ZNF385D: variants seen among roughly 807,000 people sequenced by gnomAD.
ZNF385D encodes zinc finger protein 385D.
A neutral mutation model predicts 35.8 loss-of-function variants in ZNF385D; 15 were observed. That is an observed-to-expected ratio of 0.42 (90% CI 0.28 to 0.64). The LOEUF (loss-of-function observed/expected upper bound fraction) is 0.64, where lower values mean the gene tolerates loss of function less well. Among genes scored for constraint, ZNF385D ranks in the 30% least tolerant of loss-of-function variants. ZNF385D has a pLI of 0.23. For missense variants in ZNF385D, 474 were observed against 494.6 expected (o/e 0.96, Z 0.39); for synonymous variants, 212 against 186.8 (o/e 1.13, Z -1.10).
intron 2 of ZNF385D, among the ~76,000 whole-genome samples, chr3:21,627,001 A>G (rs989330203): frequency 9.9e-5 from 15 of 151,908 alleles, no homozygotes; most frequent in African/African-American, 2.7e-4. Flanking sequence ...GAGATTTTCA[A>G]TGTTTTACAG....
intron 2 of ZNF385D, among the ~76,000 whole-genome samples, chr3:21,663,919 T>TATATATATATATATATATATATATA (rs1201308131): frequency 6.9e-4 from 27 of 39,270 alleles, no homozygotes; most frequent in African/African-American, 1.8e-3. Flanking sequence ...ATATATATAT[T>TATATATATATATATATATATATATA]TATTTATTTA....
At chr3:21,534,135 A>AC (rs996639588) in intron 3 of ZNF385D, among the ~76,000 whole-genome samples, 9 of 151,996 alleles carry the variant, frequency 5.9e-5, no homozygotes, top group African/African-American at 2.2e-4. Flanking sequence ...AAGTTAAAAA[A>AC]AAAAACTTAC....
At chr3:22,297,593 G>C (rs1219196746) in intron 2 of ZNF385D, among the ~76,000 whole-genome samples, 1 of 152,058 alleles carries the variant, frequency 6.6e-6, no homozygotes, top group Admixed American at 6.6e-5. Context: ...AGGCAATATG[G>C]GGGAATGAAA....
In ZNF385D at chr3:22,337,412, T is replaced by C. The variant is rs144056717; in HGVS notation, c.106+35038A>G. Among the ~76,000 whole-genome samples the C allele has an allele frequency of 3.0e-3, 453 of 152,226 alleles. 1 individual carries two copies. Among genetic ancestry groups the C allele is most frequent in the African/African-American group, 0.01 (428 of 41,538 alleles). ...AGCTTGGCGTGGTGGCGCATGCCTATAATCCCAGCTACTCAAGAGGCAGAG... is the reference window on the plus strand; with the variant it reads ...AGCTTGGCGTGGTGGCGCATGCCTACAATCCCAGCTACTCAAGAGGCAGAG... On this transcript the variant is annotated intron_variant, in intron 2 of 5. Coordinates refer to the ZNF385D transcript ENST00000494108.
chr3:21,456,010 G>T (rs956029659), intron 4 of ZNF385D, among the ~76,000 whole-genome samples: 3 of 152,206 alleles, frequency 2.0e-5, no homozygotes, highest in African/African-American at 7.2e-5. Context: ...GGCCATCAGA[G>T]AAATGCAAAT....
chr3:21,614,563 T>C (rs2064785681), intron 2 of ZNF385D, among the ~76,000 whole-genome samples: 1 of 152,142 alleles, frequency 6.6e-6, no homozygotes, highest in South Asian at 2.1e-4. Context: ...ATTTTTTGTT[T>C]TCCAGCCAGC....
At chr3:22,334,997 A>T (rs1695100429) in intron 2 of ZNF385D, among the ~76,000 whole-genome samples, 1 of 152,204 alleles carries the variant, frequency 6.6e-6, no homozygotes, top group Non-Finnish European at 1.5e-5. Context: ...TTAATTCAAC[A>T]AATATTAAGT....
At chr3:21,437,290 T>C in intron 4 of ZNF385D, 87 bp from the exon 5 acceptor site, 2 of 1,261,666 alleles carry the variant, frequency 1.6e-6, no homozygotes, top group South Asian at 1.5e-5. Context: ...TATTGCATTC[T>C]GCTTATAATG....
At chr3:21,500,113 C>A (rs916997052) in intron 4 of ZNF385D, among the ~76,000 whole-genome samples, 4 of 152,082 alleles carry the variant, frequency 2.6e-5, no homozygotes, top group Non-Finnish European at 1.5e-5. Flanking sequence ...AAATGCTCAG[C>A]CCAATGGTGG....
intron 3 of ZNF385D, among the ~76,000 whole-genome samples, chr3:21,832,191 T>C (rs541709400): frequency 4.7e-4 from 72 of 152,250 alleles, no homozygotes; most frequent in African/African-American, 1.6e-3. Context: ...GTGTGCCTTA[T>C]TTGTTTTTCT....
At chr3:22,209,123 CATA>C (rs1018302756) in intron 2 of ZNF385D, among the ~76,000 whole-genome samples, 11 of 151,956 alleles carry the variant, frequency 7.2e-5, no homozygotes, top group African/African-American at 2.4e-4. Context: ...TCAGTAAGCC[CATA>C]ATATTTACTC....
intron 3 of ZNF385D, among the ~76,000 whole-genome samples, chr3:21,935,495 T>C (rs1701215231): frequency 6.6e-6 from 1 of 152,172 alleles, no homozygotes; most frequent in Admixed American, 6.6e-5. Flanking sequence ...GATAGTTAAG[T>C]CACATGCTAC....
At chr3:21,648,118 A>G (rs746396353) in intron 2 of ZNF385D, among the ~76,000 whole-genome samples, 2 of 152,130 alleles carry the variant, frequency 1.3e-5, no homozygotes, top group Non-Finnish European at 2.9e-5. Flanking sequence ...GTCATCTCGA[A>G]TTGTAATCCC....
chr3:21,829,472 G>T (rs989698279), intron 3 of ZNF385D, among the ~76,000 whole-genome samples: 1 of 152,114 alleles, frequency 6.6e-6, no homozygotes, highest in African/African-American at 2.4e-5. Flanking sequence ...CAGAGAGAAG[G>T]GATGGGCCCT....
intron 3 of ZNF385D, among the ~76,000 whole-genome samples, chr3:22,165,070 T>C (rs945643856): frequency 6.6e-6 from 1 of 152,170 alleles, no homozygotes; most frequent in South Asian, 2.1e-4. Flanking sequence ...TGTATGATGT[T>C]GTGATGTTGG....
At chr3:21,845,017 A>G (rs200306452) in intron 3 of ZNF385D, among the ~76,000 whole-genome samples, 1 of 131,712 alleles carries the variant, frequency 7.6e-6, no homozygotes, top group Non-Finnish European at 1.8e-5. Flanking sequence ...CATGTAAATA[A>G]ATAAGAGAAG....
At chr3:22,140,637 T>A (rs888248971) in intron 3 of ZNF385D, among the ~76,000 whole-genome samples, 6 of 152,194 alleles carry the variant, frequency 3.9e-5, no homozygotes, top group Non-Finnish European at 8.8e-5. Flanking sequence ...AAGGTTAACA[T>A]TACCTTTGGG....
chr3:22,305,973 G>C (rs908812742), intron 2 of ZNF385D, among the ~76,000 whole-genome samples: 1 of 152,148 alleles, frequency 6.6e-6, no homozygotes, highest in Admixed American at 6.6e-5. Flanking sequence ...CTGTTGAACT[G>C]AAGGAAGGTT....
At chr3:21,770,026 C>A (rs1043788609) in intron 3 of ZNF385D, among the ~76,000 whole-genome samples, 1 of 152,132 alleles carries the variant, frequency 6.6e-6, no homozygotes, top group Admixed American at 6.6e-5. Flanking sequence ...GGAAAACTGG[C>A]TTGCCATATG....
Sources: allele counts gnomAD v4.1 joint callset (sites outside exome capture counted in the v4.1 genomes callset), GRCh38; gene constraint gnomAD v4.1.1; transcripts MANE v1.5; gene names NCBI Gene and HGNC (gene_info 2026-07-23, HGNC 2026-07-21).